Variants in MYBPC1 observed in about 807,000 individuals in gnomAD.
The protein encoded by MYBPC1 is myosin-binding protein C, slow-type.
In MYBPC1, 52 loss-of-function variants were observed where a neutral mutation model predicts 147.1. The observed-to-expected ratio is 0.35, with a 90% CI of 0.28 to 0.45. The LOEUF is 0.45. MYBPC1 is among the 20% of genes least tolerant of loss of function. The pLI, the probability that MYBPC1 is intolerant of heterozygous loss-of-function variation, is 1.00. For missense variants in MYBPC1, 1,228 were observed against 1,440.3 expected (o/e 0.85, Z 2.39); for synonymous variants, 477 against 475.9 (o/e 1.00, Z -0.03).
chr12:101,686,195 T>G (rs2241553), downstream of MYBPC1, among the ~76,000 whole-genome samples: 52,933 of 152,088 alleles, frequency 0.35, 9,700 homozygotes, highest in African/African-American at 0.42. Context: ...TCAAACAAAT[T>G]TTCTCAGTAG....
chr12:101,618,881 G>C (rs1886760514), intron 3 of MYBPC1, among the ~76,000 whole-genome samples: 1 of 151,388 alleles, frequency 6.6e-6, no homozygotes, highest in Admixed American at 6.6e-5. Context: ...GTGTGTGTGT[G>C]TGTGTGTGTG....
intron 1 of MYBPC1, among the ~76,000 whole-genome samples, chr12:101,606,781 A>G (rs1183254736): frequency 6.6e-6 from 1 of 152,184 alleles, no homozygotes. Context: ...TTTGGCCAAT[A>G]AAATACACTG....
chr12:101,677,522 G>C, intron 27 of MYBPC1, 128 bp downstream of exon 27: 1 of 1,128,780 alleles, frequency 8.9e-7, no homozygotes, highest in African/African-American at 1.6e-5. Context: ...TTATGATAAT[G>C]GTGTTCAAGT....
chr12:101,610,831 C>A (rs1280430672), intron 1 of MYBPC1, among the ~76,000 whole-genome samples: 1 of 152,134 alleles, frequency 6.6e-6, no homozygotes, highest in Non-Finnish European at 1.5e-5. Context: ...ACATAGGTAG[C>A]AGGGAAAGGA....
chr12:101,685,814 A>G lies in MYBPC1; in HGVS notation c.*252A>G. 3.6e-6 allele frequency: 2 copies of G among 559,394 alleles called. No homozygotes were observed. The highest frequency in any genetic ancestry group is 2.7e-5 in the South Asian group (1 of 37,008). The allele number at this position is 559,394 out of a possible 1,614,324, so 34.7% of individuals were successfully genotyped here. On this transcript the variant is annotated 3_prime_UTR_variant, in exon 32 of 32. Transcript: ENST00000361466. ...TCTTTCCTCCTAATGTTGAAGAGAAAAAAAAAAAAAAAAGTTTGCCCAGAT... is the reference window on the plus strand; with the variant it reads ...TCTTTCCTCCTAATGTTGAAGAGAAGAAAAAAAAAAAAAGTTTGCCCAGAT...
chr12:101,681,555 CATATATATATATATAT>C (rs1206495774), intron 29 of MYBPC1, among the ~76,000 whole-genome samples: 880 of 23,184 alleles, frequency 0.038, 38 homozygotes, highest in African/African-American at 0.094. Flanking sequence ...AAATAACTTT[CATATATATATATATAT>C]ATATATATAT....
At chr12:101,684,494 T>C (rs1011351113) in intron 31 of MYBPC1, 70 bp downstream of exon 31, 1 of 1,186,718 alleles carries the variant, frequency 8.4e-7, no homozygotes, top group Non-Finnish European at 1.2e-6. Flanking sequence ...CTGTGGAGTA[T>C]GGCATGATTT....
At position 101,601,263 on chromosome 12, in the gene MYBPC1, C is replaced by G. The variant is rs139872012; in HGVS notation, c.25+6168C>G. Among the ~76,000 whole-genome samples, 566 of 152,270 alleles carry G rather than the reference C, an allele frequency of 3.7e-3. 2 individuals are homozygous for G. The highest frequency in any genetic ancestry group is 0.013 in the African/African-American group (536 of 41,546). On this transcript the variant is annotated intron_variant, in intron 1 of 31. Coordinates refer to ENST00000361466, the MANE Select transcript of MYBPC1 (RefSeq NM_002465.4). ...GCAGCTTTTTACAAAGACAGCCCCC[C>G]CAAAGTCAAAGTGATCATACTGTCT...
At chr12:101,671,329 ACACACACACT>A (rs1898650254) in intron 24 of MYBPC1, among the ~76,000 whole-genome samples, 1 of 138,388 alleles carries the variant, frequency 7.2e-6, no homozygotes, top group Non-Finnish European at 1.6e-5. Context: ...ACACACACAC[ACACACACACT>A]CACACACACA....
intron 29 of MYBPC1, among the ~76,000 whole-genome samples, 181 bp downstream of exon 29, chr12:101,680,710 C>A (rs1456654701): frequency 6.6e-6 from 1 of 152,164 alleles, no homozygotes; most frequent in African/African-American, 2.4e-5. Flanking sequence ...TTTTTACATC[C>A]TGCATTCACT....
chr12:101,627,725 C>T, intron 4 of MYBPC1, 44 bp from the exon 5 acceptor site: 1 of 1,606,566 alleles, frequency 6.2e-7, no homozygotes, highest in East Asian at 2.2e-5. Context: ...ATTTTCATCC[C>T]CTTTCCACCC....
intron 13 of MYBPC1, among the ~76,000 whole-genome samples, chr12:101,647,782 G>A (rs1267493215): frequency 6.6e-6 from 1 of 152,202 alleles, no homozygotes; most frequent in Non-Finnish European, 1.5e-5. Flanking sequence ...AGCTACTCAG[G>A]AGGCTGAGGC....
chr12:101,642,267 A>T, intron 10 of MYBPC1, 152 bp from the exon 11 acceptor site: 1 of 789,258 alleles, frequency 1.3e-6, no homozygotes, highest in Admixed American at 2.1e-5. Flanking sequence ...CTTCCATTCC[A>T]GCAAGCAAGA....
intron 1 of MYBPC1, among the ~76,000 whole-genome samples, chr12:101,609,217 A>G (rs1264145434): frequency 1.3e-5 from 2 of 152,100 alleles, no homozygotes; most frequent in Admixed American, 1.3e-4. Flanking sequence ...CTTGTTACTC[A>G]AAGTGTGGGT....
downstream of MYBPC1, among the ~76,000 whole-genome samples, chr12:101,686,940 T>C (rs571376346): frequency 1.7e-3 from 263 of 152,302 alleles, 1 homozygote; most frequent in Middle Eastern, 6.8e-3. Flanking sequence ...GCCTTACTGG[T>C]TGTTAAGAAC....
chr12:101,644,903 A>C, intron 12 of MYBPC1, 107 bp downstream of exon 12: 2 of 1,114,136 alleles, frequency 1.8e-6, no homozygotes, highest in Non-Finnish European at 2.7e-6. Context: ...TTCATAATAC[A>C]AAATCATATG....
In MYBPC1 at chr12:101,614,776, A is replaced by G. The variant is rs368979148; in HGVS notation, c.61+245A>G. 78 of 569,464 alleles carry G rather than the reference A, an allele frequency of 1.4e-4. 1 individual carries two copies. Among genetic ancestry groups the G allele is most frequent in the East Asian group, 1.0e-3 (35 of 33,402 alleles). The allele number at this position is 569,464 out of a possible 1,614,324, so 35.3% of individuals were successfully genotyped here. A position where few individuals can be genotyped will look rare whatever the true frequency, so the allele number is the denominator to read the frequency against. ...ATATTAGGGGGACAATTCTTATGAAACCTTTCAAATTATGTAAAAGTTATT... is the reference window on the plus strand; with the variant it reads ...ATATTAGGGGGACAATTCTTATGAAGCCTTTCAAATTATGTAAAAGTTATT... On this transcript the variant is annotated intron_variant, in intron 2 of 31. Transcript: ENST00000361466.
At chr12:101,605,837 G>A (rs1017733367) in intron 1 of MYBPC1, among the ~76,000 whole-genome samples, 14 of 152,020 alleles carry the variant, frequency 9.2e-5, no homozygotes, top group African/African-American at 3.4e-4. Flanking sequence ...CCTCCAGCCT[G>A]GGCAACAAGA....
chr12:101,673,771 G>A (rs2136716110), intron 25 of MYBPC1, 149 bp downstream of exon 25: 1 of 926,598 alleles, frequency 1.1e-6, no homozygotes, highest in Non-Finnish European at 1.6e-6. Context: ...AGATAAATTA[G>A]GCTGGGCGTG....
Sources: gnomAD v4.1 joint callset for allele counts (sites outside exome capture counted in the v4.1 genomes callset) on GRCh38, gnomAD v4.1.1 for gene constraint, MANE v1.5 for transcripts, NCBI Gene and HGNC (gene_info 2026-07-23, HGNC 2026-07-21) for gene names.